Variants in PTPRJ observed in about 807,000 individuals in gnomAD.
The protein encoded by PTPRJ is protein tyrosine phosphatase receptor type J.
Under a neutral mutation model 141.3 loss-of-function variants are expected in PTPRJ, and 129 were observed. That is an observed-to-expected ratio of 0.91 (90% confidence interval 0.79 to 1.06). The LOEUF (loss-of-function observed/expected upper bound fraction) is 1.06. PTPRJ is among the 50% of genes least tolerant of loss of function. PTPRJ has a pLI of 0.00. For synonymous variants in PTPRJ, 610 were observed against 640.5 expected, an observed-to-expected ratio of 0.95 and a Z score of 0.72; for missense variants, 1,601 against 1,679.7, an observed-to-expected ratio of 0.95 and a Z score of 0.82.
intron 18 of PTPRJ, among the ~76,000 whole-genome samples, chr11:48,150,771 A>G (rs1402784072): frequency 6.6e-6 from 1 of 152,160 alleles, no homozygotes; most frequent in Non-Finnish European, 1.5e-5. Flanking sequence ...CAACCAGCCC[A>G]GGAACCAGCC....
In PTPRJ at chr11:48,168,534, G is replaced by GTATA. The variant is rs71045551; in HGVS notation, c.*1217_*1220dup. On this transcript the variant is annotated 3_prime_UTR_variant, in exon 25 of 25. Transcript: ENST00000418331. Reference sequence around the variant, plus strand: ...CGTGACACATATCGGAATCTACTGTGTATATATATATATATATATATATAT... The same window carrying GTATA: ...CGTGACACATATCGGAATCTACTGTGTATATATATATATATATATATATATATAT... 1.7e-3 allele frequency: 73 copies of GTATA among 44,060 alleles called. 2 individuals carry two copies. Among genetic ancestry groups the GTATA allele is most frequent in the African/African-American group, 2.7e-3 (30 of 10,992 alleles). 2.7% of individuals were successfully genotyped at this position (44,060 alleles called of 1,614,324 possible). A position where few individuals can be genotyped will look rare whatever the true frequency, so the allele number is the denominator to read the frequency against.
intron 2 of PTPRJ, among the ~76,000 whole-genome samples, chr11:48,110,398 G>A (rs1375765286): frequency 1.3e-5 from 2 of 151,992 alleles, no homozygotes; most frequent in Non-Finnish European, 2.9e-5. Context: ...AGTAGAGACG[G>A]GGCTTCCCCA....
chr11:48,022,247 C>T (rs1855145666), intron 1 of PTPRJ, among the ~76,000 whole-genome samples: 1 of 151,942 alleles, frequency 6.6e-6, no homozygotes, highest in Non-Finnish European at 1.5e-5. Flanking sequence ...GGCAGATCAC[C>T]TGAGGTCAGG....
In PTPRJ at chr11:48,156,027, T is replaced by C. The variant is rs771805540; in HGVS notation, c.3346T>C (p.Leu1116=). The change falls in exon 21 of 25, where the codon TTA becomes CTA. Residue 1116 remains leucine, a synonymous_variant. Transcript: ENST00000418331. ...KKDFIATQGP[L]PNTLKDFWRM... ...AGATTTTATTGCCACACAAGGACCT[T>C]TACCGAACACTTTGAAAGATTTTTG... 4 of 1,607,676 alleles carry C rather than the reference T, an allele frequency of 2.5e-6. No individual in the cohort carries two copies. The highest frequency in any genetic ancestry group is 3.4e-6 in the Non-Finnish European group (4 of 1,174,098).
chr11:48,006,900 G>A (rs1854637219), intron 1 of PTPRJ, among the ~76,000 whole-genome samples: 1 of 152,064 alleles, frequency 6.6e-6, no homozygotes, highest in African/African-American at 2.4e-5. Context: ...GGCTTGTTAT[G>A]AGTCAGTCAT....
chr11:48,163,623 G>A lies in PTPRJ; in HGVS notation c.3719+5G>A, dbSNP rs780015504. On this transcript the variant is annotated splice_donor_5th_base_variant and intron_variant, in intron 23 of 24. Coordinates refer to ENST00000418331, the MANE Select transcript of PTPRJ (RefSeq NM_002843.4). ...GCCGATTCTGGTGCATTGCAGGTAC[G>A]CAGATGGCACGTCACGTGTGACAGA... is the stretch of plus-strand genomic sequence containing the variant. 7 of 1,610,004 alleles carry A rather than the reference G, an allele frequency of 4.3e-6. No individual in the cohort carries two copies. The highest frequency in any genetic ancestry group is 1.7e-5 in the Admixed American group (1 of 59,994).
chr11:47,981,825 G>C (rs1359137891), intron 1 of PTPRJ, among the ~76,000 whole-genome samples: 1 of 152,232 alleles, frequency 6.6e-6, no homozygotes, highest in African/African-American at 2.4e-5. Context: ...GGGGAACTGA[G>C]GGAGAGAAGT....
At chr11:48,021,412 TAAATAAATAAAATAAAATA>T (rs1855118782) in intron 1 of PTPRJ, among the ~76,000 whole-genome samples, 1 of 125,874 alleles carries the variant, frequency 7.9e-6, no homozygotes, top group South Asian at 2.2e-4. Flanking sequence ...AATAAATAAA[TAAATAAATAAAATAAAATA>T]AAATAAATAA....
Position 48,163,567 on chromosome 11 carries a change from G to C in PTPRJ, c.3668G>C (p.Arg1223Pro). The C allele has an allele frequency of 1.2e-6, 2 of 1,614,028 alleles. No homozygotes were observed. The highest frequency in any genetic ancestry group is 1.7e-6 in the Non-Finnish European group (2 of 1,179,876). The change falls in exon 23 of 25, where the codon CGT (arginine) becomes CCT (proline). Residue 1223 changes from arginine to proline, a missense_variant. Transcript: ENST00000418331. ...DLLINFRYLV[R>P]DYMKQSPPES... ...CTCATCAACTTCCGGTACCTCGTTC[G>C]TGACTACATGAAGCAGAGTCCTCCC... is the stretch of plus-strand genomic sequence containing the variant.
intron 3 of PTPRJ, among the ~76,000 whole-genome samples, chr11:48,114,649 T>A (rs1016879893): frequency 6.6e-6 from 1 of 151,448 alleles, no homozygotes; most frequent in Non-Finnish European, 1.5e-5. Flanking sequence ...CAACACAGAG[T>A]CACAAGGATC....
rs1167695389 is a variant in PTPRJ at position 48,130,644 on chromosome 11, T to C, written c.1543T>C (p.Tyr515His). ...IIGGLFPGTK[Y>H]CFEIVPKGPN... is the part of the protein sequence containing the mutation. ...TGGTGGCTTGTTCCCTGGAACCAAG[T>C]ATTGCTTTGAAATAGTTCCAAAAGG... The change falls in exon 8 of 25, where the codon TAT (tyrosine) becomes CAT (histidine). Residue 515 changes from tyrosine to histidine, a missense_variant. Physicochemically the swap from Tyr to His is moderately conservative, Grantham distance 83. Coordinates refer to ENST00000418331, the MANE Select transcript of PTPRJ (RefSeq NM_002843.4). 1 of 1,613,934 alleles carries C rather than the reference T, an allele frequency of 6.2e-7. No homozygotes were observed. The highest frequency in any genetic ancestry group is 2.2e-5 in the East Asian group (1 of 44,868).
At chr11:48,141,041 T>C (rs954219241) in intron 11 of PTPRJ, among the ~76,000 whole-genome samples, 1 of 152,120 alleles carries the variant, frequency 6.6e-6, no homozygotes, top group Non-Finnish European at 1.5e-5. Flanking sequence ...CTTGAATATA[T>C]ATAATAATGA....
intron 1 of PTPRJ, among the ~76,000 whole-genome samples, chr11:48,071,166 C>G (rs1855236615): frequency 6.6e-6 from 1 of 152,148 alleles, no homozygotes; most frequent in African/African-American, 2.4e-5. Flanking sequence ...TCTTCCAGTG[C>G]AGGGAACATT....
rs1217874347 is a variant in PTPRJ, at chr11:48,144,990, T to C, written c.2787-10T>C. ...TCAGGGACCTCTTTTTGCTCTTTGT[T>C]ATCCCACAGGGCTTGTGTGGCTGGC... On this transcript the variant is annotated splice_polypyrimidine_tract_variant and intron_variant, in intron 13 of 24. Coordinates refer to ENST00000418331, the MANE Select transcript of PTPRJ (RefSeq NM_002843.4). 1 of 1,614,192 alleles carries C rather than the reference T, an allele frequency of 6.2e-7. No individual in the cohort carries two copies. Among genetic ancestry groups the C allele is most frequent in the Admixed American group, 1.7e-5 (1 of 60,026 alleles).
intron 1 of PTPRJ, among the ~76,000 whole-genome samples, chr11:48,006,868 C>T (rs1009526363): frequency 2.0e-5 from 3 of 152,056 alleles, no homozygotes; most frequent in Non-Finnish European, 4.4e-5. Context: ...ATGACTTGCT[C>T]TTGTTCTGAC....
intron 1 of PTPRJ, among the ~76,000 whole-genome samples, chr11:48,083,276 T>C (rs1855613731): frequency 1.3e-5 from 2 of 151,984 alleles, no homozygotes; most frequent in Admixed American, 6.6e-5. Flanking sequence ...AAATAAAAAA[T>C]TAGCTGAGCG....
At chr11:48,137,765 G>C (rs914603328) in intron 10 of PTPRJ, among the ~76,000 whole-genome samples, 4 of 152,118 alleles carry the variant, frequency 2.6e-5, no homozygotes, top group Non-Finnish European at 4.4e-5. Context: ...GGAGGATATA[G>C]GTGGGAGGTG....
chr11:47,985,274 A>G (rs1029542059), intron 1 of PTPRJ, among the ~76,000 whole-genome samples: 4 of 151,978 alleles, frequency 2.6e-5, no homozygotes, highest in Non-Finnish European at 4.4e-5. Context: ...TAGCCTCTCA[A>G]GTATCTGGGA....
At chr11:48,136,017 C>T in intron 8 of PTPRJ, 22 bp from the exon 9 acceptor site, 1 of 1,605,124 alleles carries the variant, frequency 6.2e-7, no homozygotes, top group Non-Finnish European at 8.5e-7. Flanking sequence ...GTTTTCCCTT[C>T]TCCTTCCTTT....
Sources: gnomAD v4.1 joint callset for allele counts (sites outside exome capture counted in the v4.1 genomes callset) on GRCh38, gnomAD v4.1.1 for gene constraint, MANE v1.5 for transcripts, NCBI Gene and HGNC (gene_info 2026-07-23, HGNC 2026-07-21) for gene names.